ICE2: variants seen among roughly 807,000 people sequenced by gnomAD.
ICE2 encodes interactor of little elongation complex ELL subunit 2, also known as little elongation complex subunit 2.
A neutral mutation model predicts 105.4 loss-of-function variants in ICE2; 87 were observed. That is an observed-to-expected ratio of 0.83 (90% CI 0.69 to 0.99). The LOEUF (loss-of-function observed/expected upper bound fraction) is 0.99, where lower values mean the gene tolerates loss of function less well. ICE2 is among the 50% of genes least tolerant of loss of function. The pLI, the probability that ICE2 is intolerant of heterozygous loss-of-function variation, is 0.00. For synonymous variants in ICE2, 399 were observed against 392.0 expected, an observed-to-expected ratio of 1.02 and a Z score of -0.21; for missense variants, 1,323 against 1,146.7, an observed-to-expected ratio of 1.15 and a Z score of -2.22.
At chr15:60,448,735 T>C (rs2063883968) in intron 10 of ICE2, 113 bp downstream of exon 10, 5 of 864,096 alleles carry the variant, frequency 5.8e-6, no homozygotes, top group Middle Eastern at 2.3e-4. Context: ...GAAATATCAG[T>C]GACTATATGA....
rs879122931 is a variant in ICE2, at chr15:60,449,495, G to A, written c.1472C>T (p.Ser491Leu). The A allele has an allele frequency of 6.2e-7, 1 of 1,613,910 alleles. No individual in the cohort carries two copies. Among genetic ancestry groups the A allele is most frequent in the Admixed American group, 1.7e-5 (1 of 59,994 alleles). Residue 491 changes from serine (S) to leucine (L), a missense_variant, in exon 10 of 16, where the codon TCA (serine) becomes TTA (leucine). By Grantham distance (145) the Ser-to-Leu change is moderately radical. Transcript: ENST00000261520. ...GTCAGAATTTGATACCTTTTCACATGATTCAAATCCCTGATCATCTTTATT... is the reference window on the plus strand; with the variant it reads ...GTCAGAATTTGATACCTTTTCACATAATTCAAATCCCTGATCATCTTTATT... Reference protein sequence around the residue: ...CKNKDDQGFESCEKVSNSDKP... With the variant: ...CKNKDDQGFELCEKVSNSDKP...
chr15:60,471,611 G>C, intron 3 of ICE2, among the ~76,000 whole-genome samples: 1 of 152,258 alleles, frequency 6.6e-6, no homozygotes, highest in East Asian at 1.9e-4. Flanking sequence ...AGCACATCAA[G>C]ATCATTTCCT....
intron 9 of ICE2, chr15:60,451,566 A>T (rs957669987): frequency 7.1e-6 from 7 of 983,418 alleles, no homozygotes; most frequent in Non-Finnish European, 1.2e-6. Context: ...TAAGAAGTAT[A>T]ATAATTTGAG....
At chr15:60,449,900 T>C in intron 9 of ICE2, 59 bp from the exon 10 acceptor site, 2 of 1,200,628 alleles carry the variant, frequency 1.7e-6, no homozygotes, top group Non-Finnish European at 2.4e-6. Context: ...TACCTATCTC[T>C]TAATGTCCCT....
At chr15:60,443,265 A>G (rs565184026) in intron 11 of ICE2, among the ~76,000 whole-genome samples, 48 of 152,252 alleles carry the variant, frequency 3.2e-4, no homozygotes, top group Non-Finnish European at 5.7e-4. Context: ...AGAAAACTCT[A>G]CTCTTAACAG....
At chr15:60,473,215 A>G (rs2064656291) in intron 3 of ICE2, among the ~76,000 whole-genome samples, 1 of 151,286 alleles carries the variant, frequency 6.6e-6, no homozygotes, top group African/African-American at 2.4e-5. Flanking sequence ...AAGTATTGTT[A>G]TTATAGGCAT....
chr15:60,449,166 A>G lies in ICE2; in HGVS notation c.1801T>C (p.Ser601Pro), dbSNP rs2063898651. The change falls in exon 10 of 16, where the codon TCC becomes CCC. Residue 601 changes from serine (S) to proline (P), a missense_variant. Ser to Pro is a moderately conservative substitution (Grantham distance 74). Transcript: ENST00000261520. ...GAAGAATTTGGACTAGCTGGTCTGG[A>G]ACTTAAGTTAGAACCCACAACAGCT... is the stretch of plus-strand genomic sequence containing the variant. ...KTAVVGSNLS[S>P]RPASPNSSSG... The G allele has an allele frequency of 6.2e-7, 1 of 1,613,946 alleles. No individual in the cohort carries two copies. Among genetic ancestry groups the G allele is most frequent in the Non-Finnish European group, 8.5e-7 (1 of 1,179,952 alleles).
At chr15:60,463,771 T>C (rs1224149888) in intron 5 of ICE2, among the ~76,000 whole-genome samples, 1 of 151,932 alleles carries the variant, frequency 6.6e-6, no homozygotes, top group African/African-American at 2.4e-5. Context: ...GCTCCGTCTC[T>C]TAAAAAAAGA....
At chr15:60,453,396 C>T (rs77777474) in intron 9 of ICE2, 14 of 1,364,730 alleles carry the variant, frequency 1.0e-5, no homozygotes, top group South Asian at 1.8e-5. Flanking sequence ...GTAGGTACTA[C>T]TTCCTTTCAT....
chr15:60,460,498 C>CA (rs1299718498), intron 5 of ICE2, among the ~76,000 whole-genome samples: 4 of 150,640 alleles, frequency 2.7e-5, no homozygotes, highest in South Asian at 2.1e-4. Context: ...ACTCCGTCTC[C>CA]AAAAAAAAAT....
chr15:60,442,881 T>C (rs2141037884), intron 11 of ICE2: 1 of 167,358 alleles, frequency 6.0e-6, no homozygotes, highest in Non-Finnish European at 1.3e-5. Context: ...TCATACATAG[T>C]TGCCCAAAGG....
At chr15:60,468,431 T>C in intron 3 of ICE2, 109 bp from the exon 4 acceptor site, 1 of 835,980 alleles carries the variant, frequency 1.2e-6, no homozygotes, top group Non-Finnish European at 1.9e-6. Context: ...ATTAACAGAG[T>C]AAACTCTGGA....
At chr15:60,442,314 C>T (rs1292337506) in intron 12 of ICE2, 102 bp downstream of exon 12, 14 of 1,099,588 alleles carry the variant, frequency 1.3e-5, no homozygotes, top group Admixed American at 2.6e-5. Flanking sequence ...TAAATAAAAA[C>T]GAAAGTAAAA....
In ICE2 at chr15:60,479,008, G is replaced by A. The variant is rs749030078; in HGVS notation, c.-98C>T. The A allele has an allele frequency of 6.6e-6, 3 of 455,858 alleles. No individual in the cohort carries two copies. Among genetic ancestry groups the A allele is most frequent in the Non-Finnish European group, 1.3e-5 (3 of 226,748 alleles). The allele number at this position is 455,858 out of a possible 1,614,324, so 28.2% of individuals were successfully genotyped here. A position where few individuals can be genotyped will look rare whatever the true frequency, so the allele number is the denominator to read the frequency against. ...AACACAGCCTTTCCGCCCACCTCAT[G>A]GTCCGCGGCGGCTCTTGCCCAGGCC... On this transcript the variant is annotated 5_prime_UTR_variant, in exon 1 of 16. Transcript: ENST00000261520.
In ICE2 at chr15:60,455,327, T is replaced by C. The variant is rs2064075551; in HGVS notation, c.782A>G (p.Tyr261Cys). ...TSEQTAEAMH[Y>C]DISKDPNAEK... The stretch of plus-strand genomic sequence containing the variant: ...ATCCAATGTTGCCTTGGTACTTACA[T>C]AATGCATAGCTTCAGCTGTTTGTTC... The change falls in exon 7 of 16, where the codon TAT (tyrosine) becomes TGT (cysteine). Residue 261 changes from tyrosine to cysteine, a missense_variant and splice_region_variant. Coordinates refer to ENST00000261520, the MANE Select transcript of ICE2 (RefSeq NM_024611.6). 1.2e-6 allele frequency: 2 copies of C among 1,608,808 alleles called. No homozygotes were observed. The highest frequency in any genetic ancestry group is 4.5e-5 in the East Asian group (2 of 44,822).
intron 11 of ICE2, chr15:60,445,625 T>C (rs1169688839): frequency 2.8e-5 from 27 of 979,774 alleles, no homozygotes; most frequent in Admixed American, 6.1e-5. Flanking sequence ...GAATGAATTT[T>C]CTTCTATAAG....
chr15:60,423,694 G>A lies in ICE2; in HGVS notation c.2889C>T (p.Cys963=). 6.2e-7 allele frequency: 1 copy of A among 1,607,850 alleles called. No homozygotes were observed. Among genetic ancestry groups the A allele is most frequent in the Non-Finnish European group, 8.5e-7 (1 of 1,178,574 alleles). ...CAGTTTCAACTTGCTGAGCAGGCAA[G>A]CAACTGCTTTTGGTTTCCATGGAAA... ...NPVSMETKSS[C]LPAQQVETEG... is the part of the protein sequence containing the mutation. Residue 963 remains cysteine, a synonymous_variant, in exon 16 of 16, where the codon TGC becomes TGT. Transcript: ENST00000261520.
chr15:60,469,437 C>T (rs2141150100), intron 3 of ICE2, among the ~76,000 whole-genome samples: 1 of 152,016 alleles, frequency 6.6e-6, no homozygotes, highest in South Asian at 2.1e-4. Context: ...GCACATGCAC[C>T]CTGGAACTTA....
At chr15:60,425,476 T>A (rs975530629) in intron 15 of ICE2, among the ~76,000 whole-genome samples, 2 of 152,142 alleles carry the variant, frequency 1.3e-5, no homozygotes, top group East Asian at 1.9e-4. Context: ...AAAAAAGGGA[T>A]AAGTGTGAAG....
Sources: gnomAD v4.1 joint callset for allele counts (sites outside exome capture counted in the v4.1 genomes callset) on GRCh38, gnomAD v4.1.1 for gene constraint, MANE v1.5 for transcripts, NCBI Gene and HGNC (gene_info 2026-07-23, HGNC 2026-07-21) for gene names.